The following TAF4 variants were observed in gnomAD, a reference collection of about 807,000 sequenced individuals.
TAF4 encodes the protein transcription initiation factor TFIID subunit 4.
Under a neutral mutation model 90.3 loss-of-function variants are expected in TAF4, and 9 were observed. The ratio of observed to expected loss-of-function variants is 0.10; its 90% CI spans 0.06 to 0.17. TAF4 has a LOEUF of 0.17. Ranked by LOEUF, TAF4 falls within the 10% of genes least tolerant of loss-of-function variation. TAF4 has a pLI of 1.00. For missense variants in TAF4, 1,351 were observed against 1,370.7 expected, an observed-to-expected ratio of 0.99 and a Z score of 0.23; for synonymous variants, 818 against 638.9, an observed-to-expected ratio of 1.28 and a Z score of -4.23.
intron 14 of TAF4, among the ~76,000 whole-genome samples, chr20:61,986,453 C>A (rs113367133): frequency 6.7e-6 from 1 of 149,044 alleles, no homozygotes; most frequent in African/African-American, 2.5e-5. Context: ...TCAAAGGAAA[C>A]ACCATCCCCA....
At chr20:62,003,387 G>GA (rs1414683546) in intron 8 of TAF4, 113 bp from the exon 9 acceptor site, 2 of 869,716 alleles carry the variant, frequency 2.3e-6, no homozygotes, top group Non-Finnish European at 3.7e-6. Context: ...TTAGCTACAA[G>GA]AAAGTTTCCA....
intron 1 of TAF4, among the ~76,000 whole-genome samples, chr20:62,025,830 G>A (rs1394687864): frequency 2.0e-5 from 3 of 152,190 alleles, no homozygotes; most frequent in East Asian, 3.8e-4. Context: ...ACAGAAAGCA[G>A]ATGGGACAAG....
chr20:61,997,918 C>CCG (rs1298097275), intron 13 of TAF4, among the ~76,000 whole-genome samples: 2 of 152,170 alleles, frequency 1.3e-5, no homozygotes, highest in Non-Finnish European at 2.9e-5. Context: ...TAATGCCCCC[C>CCG]GCAAAGGGAA....
At chr20:62,030,803 C>T (rs754532881) in intron 1 of TAF4, among the ~76,000 whole-genome samples, 3 of 152,174 alleles carry the variant, frequency 2.0e-5, no homozygotes, top group Non-Finnish European at 4.4e-5. Flanking sequence ...AAAGCAACAC[C>T]AAGGGCCACA....
intron 1 of TAF4, among the ~76,000 whole-genome samples, chr20:62,023,942 T>C: frequency 6.6e-6 from 1 of 150,962 alleles, no homozygotes; most frequent in Non-Finnish European, 1.5e-5. Flanking sequence ...AATTAGACGG[T>C]GTGGGCACGC....
At chr20:62,056,374 T>C (rs1191387316) in intron 1 of TAF4, among the ~76,000 whole-genome samples, 3 of 152,240 alleles carry the variant, frequency 2.0e-5, no homozygotes, top group Non-Finnish European at 2.9e-5. Context: ...TTTCTTCCTT[T>C]AGAATGGTAT....
intron 14 of TAF4, among the ~76,000 whole-genome samples, chr20:61,995,492 A>T (rs6089591): frequency 2.6e-5 from 4 of 152,120 alleles, no homozygotes; most frequent in East Asian, 1.9e-4. Flanking sequence ...ACAGGCTCAA[A>T]GACCTGCAGG....
At chr20:61,985,760 C>T (rs555459068) in intron 14 of TAF4, among the ~76,000 whole-genome samples, 1 of 151,704 alleles carries the variant, frequency 6.6e-6, no homozygotes, top group South Asian at 2.1e-4. Context: ...GTGTTCAGCA[C>T]AGGTGCAGGT....
In TAF4 at chr20:62,012,872, A is replaced by G; in HGVS notation, c.1584T>C (p.Ser528=). 6.2e-7 allele frequency: 1 copy of G among 1,614,192 alleles called. No homozygotes were observed. The highest frequency in any genetic ancestry group is 1.1e-5 in the South Asian group (1 of 91,086). Residue 528 remains serine, a synonymous_variant, in exon 3 of 15, where the codon TCT becomes TCC. Transcript: ENST00000252996. ...VTPTTIIKQV[S]QAQTTVQPSA... ...TGGGCTGCACCGTTGTCTGGGCCTG[A>G]GACACTTGCTTAATTATGGTAGTTG...
rs1039707553 is a variant in TAF4 at position 62,006,422 on chromosome 20, T to C, written c.2223+88A>G. 1 of 1,307,744 alleles carries C rather than the reference T, an allele frequency of 7.6e-7. No individual in the cohort carries two copies. The highest frequency in any genetic ancestry group is 9.8e-7 in the Non-Finnish European group (1 of 1,025,510). 81.0% of individuals were successfully genotyped at this position (1,307,744 alleles called of 1,614,324 possible). ...AGGCTTCCTGCATGCTTGGAAAAGG[T>C]TTCTGAGCCGTGGCCAATTTATCTA... On this transcript the variant is annotated intron_variant, in intron 7 of 14. Coordinates refer to ENST00000252996, the MANE Select transcript of TAF4 (RefSeq NM_003185.4). The surrounding 1 kb of genome is among the most constrained non-coding windows in gnomAD (Gnocchi z 7.0).
In TAF4 at chr20:62,065,409, C is replaced by A. The variant is rs1244737547; in HGVS notation, c.402G>T (p.Ala134=). Reference sequence around the variant, plus strand: ...CGGCGGGCACCGGGGCGCAGGACCCCGCGCTGCCCTCGGGCGGCGGCCTCA... The same window carrying A: ...CGGCGGGCACCGGGGCGCAGGACCCAGCGCTGCCCTCGGGCGGCGGCCTCA... ...AKLRPPPEGS[A]GSCAPVPAAA... Residue 134 remains alanine, a synonymous_variant, in exon 1 of 15, where the codon GCG becomes GCT. Coordinates refer to ENST00000252996, the MANE Select transcript of TAF4 (RefSeq NM_003185.4). 1.0e-6 allele frequency: 1 copy of A among 972,570 alleles called. No individual in the cohort carries two copies. The highest frequency in any genetic ancestry group is 1.2e-6 in the Non-Finnish European group (1 of 823,412). 60.2% of individuals were successfully genotyped at this position (972,570 alleles called of 1,614,324 possible).
intron 1 of TAF4, among the ~76,000 whole-genome samples, chr20:62,045,837 C>T (rs1345379619): frequency 6.6e-6 from 1 of 152,188 alleles, no homozygotes; most frequent in Non-Finnish European, 1.5e-5. Context: ...AACTGACGCT[C>T]GGGGTACAGA....
intron 13 of TAF4, among the ~76,000 whole-genome samples, chr20:61,997,887 G>A (rs188168619): frequency 4.9e-4 from 75 of 152,050 alleles, no homozygotes; most frequent in Non-Finnish European, 9.3e-4. Context: ...GAAAATATAC[G>A]CAAGTCAAAA....
intron 1 of TAF4, among the ~76,000 whole-genome samples, chr20:62,045,701 C>CT (rs2055989477): frequency 6.6e-6 from 1 of 152,202 alleles, no homozygotes; most frequent in South Asian, 2.1e-4. Flanking sequence ...TGCCACACAC[C>CT]TGCTCCTGGA....
intron 1 of TAF4, among the ~76,000 whole-genome samples, chr20:62,028,634 C>T (rs1568936411): frequency 2.6e-5 from 4 of 152,162 alleles, no homozygotes; most frequent in Admixed American, 6.5e-5. Flanking sequence ...AGTGCACATG[C>T]GTGTCTGTCA....
chr20:62,054,670 T>G (rs1214390108), intron 1 of TAF4, among the ~76,000 whole-genome samples: 1 of 152,112 alleles, frequency 6.6e-6, no homozygotes, highest in African/African-American at 2.4e-5. Context: ...GCTGGCCAGA[T>G]GCACCCTATG....
chr20:62,065,341 G>A lies in TAF4; in HGVS notation c.470C>T (p.Pro157Leu). The change falls in exon 1 of 15, where the codon CCC becomes CTC. Residue 157 changes from proline to leucine, a missense_variant. This residue lies in a region of TAF4 where 782 missense variants were observed against 536.6 expected (regional missense o/e 1.46). Coordinates refer to ENST00000252996, the MANE Select transcript of TAF4 (RefSeq NM_003185.4). ...CGCGGCGGGGCCGGCGGGCTTGGCG[G>A]GGCCGGCGGGGGCGGGCTCGGGCCC... ...AAGPEPAPAG[P>L]AKPAGPAALA... The A allele has an allele frequency of 1.0e-6, 1 of 963,474 alleles. No individual in the cohort carries two copies. The highest frequency in any genetic ancestry group is 5.4e-4 in the Middle Eastern group (1 of 1,840). The allele number at this position is 963,474 out of a possible 1,614,324, so 59.7% of individuals were successfully genotyped here.
At position 62,024,599 on chromosome 20, in the gene TAF4, TG is replaced by T. The variant is rs903109968; in HGVS notation, c.1361-9893del. Among the ~76,000 whole-genome samples the T allele has an allele frequency of 2.0e-5, 3 of 152,276 alleles. No individual in the cohort carries two copies. The East Asian group carries it at 5.8e-4, about 29-fold the overall frequency. On this transcript the variant is annotated intron_variant, in intron 1 of 14. Transcript: ENST00000252996. The stretch of plus-strand genomic sequence containing the variant: ...AGAAAATAACCCAGGTTGGGCGTGG[TG>T]GCTCATGCCTGTAATCCCAGCACTT...
In TAF4 at chr20:61,975,724, A is replaced by AC. The variant is rs1238208047; in HGVS notation, c.*443_*444insG. On this transcript the variant is annotated 3_prime_UTR_variant, in exon 15 of 15. Coordinates refer to ENST00000252996, the MANE Select transcript of TAF4 (RefSeq NM_003185.4). ...AGGGAAGGAAGATAAATAGTCTAAA[A>AC]AATCAGTTTGCTTTGCCAACTGACT... 6.1e-6 allele frequency: 1 copy of AC among 163,114 alleles called. No individual in the cohort carries two copies. The highest frequency in any genetic ancestry group is 2.4e-5 in the African/African-American group (1 of 41,558). 10.1% of individuals were successfully genotyped at this position (163,114 alleles called of 1,614,324 possible). A position where few individuals can be genotyped will look rare whatever the true frequency, so the allele number is the denominator to read the frequency against.
Sources: allele counts gnomAD v4.1 joint callset (sites outside exome capture counted in the v4.1 genomes callset), GRCh38; gene constraint gnomAD v4.1.1; regional missense constraint gnomAD v4.1.1; non-coding constraint Gnocchi (gnomAD v3.1); transcripts MANE v1.5; gene names NCBI Gene and HGNC (gene_info 2026-07-23, HGNC 2026-07-21).